Variants in ZCCHC14 observed in about 807,000 individuals in gnomAD.
ZCCHC14 encodes zinc finger CCHC domain-containing protein 14.
Under a neutral mutation model 85.0 loss-of-function variants are expected in ZCCHC14, and 16 were observed. The ratio of observed to expected loss-of-function variants is 0.19; its 90% CI spans 0.13 to 0.29. The LOEUF (loss-of-function observed/expected upper bound fraction) is 0.29, where lower values mean the gene tolerates loss of function less well. ZCCHC14 is among the 10% of genes least tolerant of loss of function. The pLI, the probability that ZCCHC14 is intolerant of heterozygous loss-of-function variation, is 1.00. For missense variants in ZCCHC14, 1,303 were observed against 1,443.5 expected (o/e 0.90, Z 1.58); for synonymous variants, 775 against 630.7 (o/e 1.23, Z -3.43).
At chr16:87,446,354 C>T (rs1039862905) in intron 2 of ZCCHC14, among the ~76,000 whole-genome samples, 1 of 151,984 alleles carries the variant, frequency 6.6e-6, no homozygotes, top group Non-Finnish European at 1.5e-5. Flanking sequence ...AGTGGTAGCA[C>T]GCACCTGTAA....
At chr16:87,468,963 G>C (rs1171993363) in intron 1 of ZCCHC14, among the ~76,000 whole-genome samples, 1 of 152,198 alleles carries the variant, frequency 6.6e-6, no homozygotes, top group Non-Finnish European at 1.5e-5. Context: ...AGAAAGCCAG[G>C]TCTAGACATC....
At chr16:87,433,342 T>G (rs1460075639) in intron 2 of ZCCHC14, 141 bp from the exon 3 acceptor site, 25 of 728,590 alleles carry the variant, frequency 3.4e-5, no homozygotes, top group South Asian at 3.4e-4. Context: ...GCATCTCACC[T>G]AGAACCAGAG....
In ZCCHC14 at chr16:87,459,989, A is replaced by T; in HGVS notation, c.694+19T>A. 2 of 1,614,034 alleles carry T rather than the reference A, an allele frequency of 1.2e-6. No homozygotes were observed. Among genetic ancestry groups the T allele is most frequent in the Non-Finnish European group, 1.7e-6 (2 of 1,179,954 alleles). ...CTCCGTCCGTCAGACGTCCTCCTGAAACCCGTGCGTGCACTCACCTTTGCT... is the reference window on the plus strand; with the variant it reads ...CTCCGTCCGTCAGACGTCCTCCTGATACCCGTGCGTGCACTCACCTTTGCT... On this transcript the variant is annotated intron_variant, in intron 2 of 12. Transcript: ENST00000671377.
At chr16:87,427,237 G>T (rs1446540960) in intron 3 of ZCCHC14, among the ~76,000 whole-genome samples, 1 of 152,362 alleles carries the variant, frequency 6.6e-6, no homozygotes, top group South Asian at 2.1e-4. Context: ...GGAGGGCAGG[G>T]TCTACCTAGT....
At chr16:87,476,749 G>A (rs1912022244) in intron 1 of ZCCHC14, among the ~76,000 whole-genome samples, 1 of 133,934 alleles carries the variant, frequency 7.5e-6, no homozygotes, top group Non-Finnish European at 1.7e-5. Flanking sequence ...GGGGGTGGGA[G>A]AAGGTGGAAA....
At chr16:87,490,103 A>G (rs568588515) in intron 1 of ZCCHC14, among the ~76,000 whole-genome samples, 1 of 152,350 alleles carries the variant, frequency 6.6e-6, no homozygotes, top group African/African-American at 2.4e-5. Context: ...CCGAACTTAA[A>G]AAGAAAACTA....
chr16:87,439,863 G>A (rs897922089), intron 2 of ZCCHC14, among the ~76,000 whole-genome samples: 1 of 152,198 alleles, frequency 6.6e-6, no homozygotes, highest in Non-Finnish European at 1.5e-5. Context: ...AGGACAATCA[G>A]CACAATAGTT....
At chr16:87,423,263 C>T (rs1037989163) in intron 4 of ZCCHC14, among the ~76,000 whole-genome samples, 1 of 152,114 alleles carries the variant, frequency 6.6e-6, no homozygotes, top group African/African-American at 2.4e-5. Context: ...TCTGCTGAAC[C>T]AGATATTTGT....
chr16:87,486,813 C>A (rs1912532725), intron 1 of ZCCHC14, among the ~76,000 whole-genome samples: 1 of 152,206 alleles, frequency 6.6e-6, no homozygotes, highest in African/African-American at 2.4e-5. Context: ...AGGCGGTTCC[C>A]AGCTGCCCAG....
At chr16:87,453,274 AC>A (rs1313616675) in intron 2 of ZCCHC14, among the ~76,000 whole-genome samples, 1 of 152,248 alleles carries the variant, frequency 6.6e-6, no homozygotes, top group African/African-American at 2.4e-5. Context: ...TACAGGACCA[AC>A]CCTTCCACAA....
At position 87,491,861 on chromosome 16, in the gene ZCCHC14, G is replaced by A; in HGVS notation, c.378C>T (p.Gly126=). Residue 126 remains glycine, a synonymous_variant, in exon 1 of 13, where the codon GGC becomes GGT. Transcript: ENST00000671377. The surrounding 1 kb of genome is among the most constrained non-coding windows in gnomAD (Gnocchi z 5.9). ...GCAGCAGGAACTCATCGCCCGTGCG[G>A]CCCTCGTTAAGCTGCAGCCCGTAGT... ...IHNYGLQLNE[G]RTGDEFLLLF... 1 of 1,561,178 alleles carries A rather than the reference G, an allele frequency of 6.4e-7. No individual in the cohort carries two copies. Among genetic ancestry groups the A allele is most frequent in the South Asian group, 1.2e-5 (1 of 84,592 alleles).
intron 1 of ZCCHC14, among the ~76,000 whole-genome samples, chr16:87,482,361 G>A (rs1213961651): frequency 6.6e-6 from 1 of 152,230 alleles, no homozygotes; most frequent in Non-Finnish European, 1.5e-5. Flanking sequence ...CATCAAAAGT[G>A]CAGGAAAGCA....
At chr16:87,447,194 A>G (rs1910482598) in intron 2 of ZCCHC14, among the ~76,000 whole-genome samples, 1 of 151,810 alleles carries the variant, frequency 6.6e-6, no homozygotes, top group Non-Finnish European at 1.5e-5. Flanking sequence ...CGGAAGAAAC[A>G]GACCTCACCC....
intron 12 of ZCCHC14, among the ~76,000 whole-genome samples, chr16:87,410,818 G>A (rs186567101): frequency 2.6e-3 from 394 of 152,336 alleles, no homozygotes; most frequent in African/African-American, 8.2e-3. Context: ...TGAACGTGAT[G>A]TTACAGGCAG....
intron 2 of ZCCHC14, among the ~76,000 whole-genome samples, chr16:87,434,604 T>G (rs1246790619): frequency 6.6e-6 from 1 of 152,228 alleles, no homozygotes; most frequent in Admixed American, 6.5e-5. Flanking sequence ...AAAGACCGCC[T>G]GGTCTCCTGC....
chr16:87,482,165 T>G (rs114947508), intron 1 of ZCCHC14, among the ~76,000 whole-genome samples: 1 of 152,078 alleles, frequency 6.6e-6, no homozygotes, highest in African/African-American at 2.4e-5. Flanking sequence ...CCATGGCAGG[T>G]TGGAAGACAG....
At chr16:87,455,899 T>C (rs1189537762) in intron 2 of ZCCHC14, among the ~76,000 whole-genome samples, 1 of 152,212 alleles carries the variant, frequency 6.6e-6, no homozygotes, top group South Asian at 2.1e-4. Context: ...TGCAGGCTAA[T>C]GCAAGCGTTC....
chr16:87,426,139 C>G (rs1597408514), intron 3 of ZCCHC14, among the ~76,000 whole-genome samples: 1 of 152,218 alleles, frequency 6.6e-6, no homozygotes, highest in South Asian at 2.1e-4. Context: ...GCAGGTGATG[C>G]TGGCTGATGG....
rs1912835184 is a variant in ZCCHC14 at position 87,492,789 on chromosome 16, G to C, written c.-551C>G. ...CGTCGCCGCCTGGGGAGCGCTGGGG[G>C]CCGCGGCCGCGAAACGGACGCTGGA... On this transcript the variant is annotated 5_prime_UTR_variant, in exon 1 of 13. Transcript: ENST00000671377. This position sits in a 1 kb window ranked among gnomAD's most constrained non-coding sequence, Gnocchi z 6.7. 6.8e-6 allele frequency: 1 copy of C among 147,498 alleles called. No homozygotes were observed. Among genetic ancestry groups the C allele is most frequent in the Non-Finnish European group, 1.5e-5 (1 of 66,150 alleles). 9.1% of individuals were successfully genotyped at this position (147,498 alleles called of 1,614,324 possible). A position where few individuals can be genotyped will look rare whatever the true frequency, so the allele number is the denominator to read the frequency against.
Sources: allele counts gnomAD v4.1 joint callset (sites outside exome capture counted in the v4.1 genomes callset), GRCh38; gene constraint gnomAD v4.1.1; non-coding constraint Gnocchi (gnomAD v3.1); transcripts MANE v1.5; gene names NCBI Gene and HGNC (gene_info 2026-07-23, HGNC 2026-07-21).